KCNQ5: variants seen among roughly 807,000 people sequenced by gnomAD.
The protein encoded by KCNQ5 is potassium voltage-gated channel subfamily KQT member 5.
Under a neutral mutation model 98.2 loss-of-function variants are expected in KCNQ5, and 30 were observed. The ratio of observed to expected loss-of-function variants is 0.31; its 90% CI spans 0.23 to 0.41. KCNQ5 has a LOEUF of 0.41. KCNQ5 is among the 10% of genes least tolerant of loss of function. The pLI is 1.00. For missense variants in KCNQ5, 835 were observed against 1,182.5 expected (o/e 0.71, Z 4.31); for synonymous variants, 458 against 449.4 (o/e 1.02, Z -0.24).
Position 72,622,855 on chromosome 6 carries a change from A to G in KCNQ5, c.398+268A>G, listed in dbSNP as rs2098916109. On this transcript the variant is annotated intron_variant, in intron 1 of 13. Coordinates refer to ENST00000370398, the MANE Select transcript of KCNQ5 (RefSeq NM_019842.4). This position sits in a 1 kb window ranked among gnomAD's most constrained non-coding sequence, Gnocchi z 6.0. ...GGCTCCCGGGGCGAGAGCCAGGCAG[A>G]CGCGGGACTTAGGCTGCGCGGATAA... Among the ~76,000 whole-genome samples, 1 of 152,176 alleles carries G rather than the reference A, an allele frequency of 6.6e-6. No homozygotes were observed. The highest frequency in any genetic ancestry group is 1.9e-4 in the East Asian group (1 of 5,172).
chr6:73,014,149 T>G (rs1407268793), intron 2 of KCNQ5, among the ~76,000 whole-genome samples: 2 of 152,124 alleles, frequency 1.3e-5, no homozygotes, highest in Non-Finnish European at 2.9e-5. Context: ...GTTGTAGGTT[T>G]TAGCATTGTA....
At chr6:73,055,459 T>C in intron 3 of KCNQ5, 1 of 1,550,046 alleles carries the variant, frequency 6.5e-7, no homozygotes, top group Non-Finnish European at 8.9e-7. Context: ...TCCCACCACC[T>C]CCGATGGAGC....
rs376280180 is a variant in KCNQ5 at position 73,063,698 on chromosome 6, A to AGAT, written c.617-13623_617-13621dup. Among the ~76,000 whole-genome samples, 239 of 117,384 alleles carry AGAT rather than the reference A, an allele frequency of 2.0e-3. 1 individual carries two copies. Among genetic ancestry groups the AGAT allele is most frequent in the Admixed American group, 0.015 (167 of 11,482 alleles). The allele number at this position is 117,384 out of a possible 152,430, so 77.0% of individuals were successfully genotyped here. ...ATAGATAGATAGATGATAGATAGAT[A>AGAT]GATAGATAGATAGATAGATAGATGA... On this transcript the variant is annotated intron_variant, in intron 3 of 13. Transcript: ENST00000370398.
At chr6:72,878,586 AC>A (rs1388663764) in intron 1 of KCNQ5, among the ~76,000 whole-genome samples, 4 of 152,148 alleles carry the variant, frequency 2.6e-5, no homozygotes, top group African/African-American at 9.7e-5. Context: ...GAATATAGAG[AC>A]CAAAATCTGG....
intron 1 of KCNQ5, among the ~76,000 whole-genome samples, chr6:72,759,198 G>A (rs1454133886): frequency 2.0e-5 from 3 of 152,134 alleles, no homozygotes; most frequent in South Asian, 2.1e-4. Flanking sequence ...GAATGACTTC[G>A]TTAAGATTCC....
intron 1 of KCNQ5, among the ~76,000 whole-genome samples, chr6:72,873,978 G>T (rs941693243): frequency 6.6e-6 from 1 of 151,674 alleles, no homozygotes; most frequent in Non-Finnish European, 1.5e-5. Flanking sequence ...ATGTATTTTT[G>T]ATTAAAGCTC....
intron 1 of KCNQ5, among the ~76,000 whole-genome samples, chr6:72,753,981 G>C (rs184664183): frequency 3.0e-4 from 46 of 152,122 alleles, no homozygotes; most frequent in African/African-American, 1.0e-3. Flanking sequence ...ATAAAAGACA[G>C]TCTTATTTAT....
At chr6:72,916,453 C>T (rs1441675819) in intron 1 of KCNQ5, among the ~76,000 whole-genome samples, 2 of 152,066 alleles carry the variant, frequency 1.3e-5, no homozygotes, top group Non-Finnish European at 2.9e-5. Context: ...GGAACTGTGC[C>T]GATGATAGAG....
intron 3 of KCNQ5, among the ~76,000 whole-genome samples, chr6:73,046,941 C>A (rs1039479131): frequency 1.1e-4 from 16 of 152,086 alleles, no homozygotes; most frequent in African/African-American, 3.9e-4. Context: ...CCACGCCTGG[C>A]CTTTATAATG....
At chr6:72,736,502 C>CTTTTTT (rs752921476) in intron 1 of KCNQ5, among the ~76,000 whole-genome samples, 2 of 121,060 alleles carry the variant, frequency 1.7e-5, no homozygotes, top group African/African-American at 7.4e-5. Context: ...AAAAAGATTT[C>CTTTTTT]TTTTTTTTTT....
At chr6:72,994,656 G>A (rs142075312) in intron 1 of KCNQ5, among the ~76,000 whole-genome samples, 86 of 152,038 alleles carry the variant, frequency 5.7e-4, no homozygotes, top group African/African-American at 1.8e-3. Context: ...GACCGGAGCT[G>A]TTCCTATTCG....
intron 1 of KCNQ5, among the ~76,000 whole-genome samples, chr6:72,890,131 T>C (rs888049090): frequency 2.1e-5 from 3 of 140,574 alleles, no homozygotes; most frequent in African/African-American, 7.8e-5. Context: ...TGAAACATAA[T>C]TGATATATTT....
At chr6:73,055,681 G>A (rs1193219570) in intron 3 of KCNQ5, 4 of 1,135,206 alleles carry the variant, frequency 3.5e-6, no homozygotes, top group Non-Finnish European at 5.3e-6. Flanking sequence ...AGCATCTGAA[G>A]GGTCTCTCTG....
chr6:72,716,061 C>T (rs116927630), intron 1 of KCNQ5, among the ~76,000 whole-genome samples: 4,348 of 152,162 alleles, frequency 0.029, 99 homozygotes, highest in Non-Finnish European at 0.044. Flanking sequence ...ATAAAAATTC[C>T]TAATATGTTA....
intron 1 of KCNQ5, among the ~76,000 whole-genome samples, chr6:72,929,976 A>C (rs976300147): frequency 2.0e-5 from 3 of 152,140 alleles, no homozygotes; most frequent in African/African-American, 7.2e-5. Flanking sequence ...CAGGAAGCTT[A>C]GTGTAAGATT....
intron 1 of KCNQ5, among the ~76,000 whole-genome samples, chr6:72,760,504 A>T (rs950116022): frequency 6.6e-6 from 1 of 151,020 alleles, no homozygotes; most frequent in African/African-American, 2.4e-5. Flanking sequence ...GTTTGTGCGT[A>T]GCCTGTGCAT....
chr6:73,016,710 A>G (rs140725716), intron 2 of KCNQ5, among the ~76,000 whole-genome samples: 208 of 152,230 alleles, frequency 1.4e-3, no homozygotes, highest in African/African-American at 4.9e-3. Flanking sequence ...GGCATGGACT[A>G]GAACAATATA....
chr6:73,152,482 T>C (rs191308956), intron 10 of KCNQ5, among the ~76,000 whole-genome samples: 18 of 152,282 alleles, frequency 1.2e-4, no homozygotes, highest in Admixed American at 8.5e-4. Flanking sequence ...AAGGGTTCTT[T>C]TATTTTAGTA....
chr6:72,819,119 C>T (rs536873777), intron 1 of KCNQ5, among the ~76,000 whole-genome samples: 5 of 151,584 alleles, frequency 3.3e-5, no homozygotes, highest in African/African-American at 7.2e-5. Context: ...CTTAACAGTT[C>T]GACAATTTTA....
Sources: allele counts gnomAD v4.1 joint callset (sites outside exome capture counted in the v4.1 genomes callset), GRCh38; gene constraint gnomAD v4.1.1; non-coding constraint Gnocchi (gnomAD v3.1); transcripts MANE v1.5; gene names NCBI Gene and HGNC (gene_info 2026-07-23, HGNC 2026-07-21).